CSMD3: variants seen among roughly 807,000 people sequenced by gnomAD.
CSMD3 encodes the protein CUB and Sushi multiple domains 3, also known as CUB and sushi domain-containing protein 3.
Under a neutral mutation model 435.2 loss-of-function variants are expected in CSMD3, and 177 were observed. The observed-to-expected ratio is 0.41, with a 90% CI of 0.36 to 0.46. CSMD3 has a LOEUF of 0.46. Among genes scored for constraint, CSMD3 ranks in the 20% least tolerant of loss-of-function variants. CSMD3 has a pLI of 0.34. For synonymous variants in CSMD3, 1,656 were observed against 1,520.5 expected (o/e 1.09, Z -2.07); for missense variants, 4,265 against 4,504.6 (o/e 0.95, Z 1.52).
At chr8:112,880,825 C>T (rs2081426738) in intron 10 of CSMD3, among the ~76,000 whole-genome samples, 1 of 151,972 alleles carries the variant, frequency 6.6e-6, no homozygotes, top group South Asian at 2.1e-4. Flanking sequence ...CTGCCATATA[C>T]AGATGGATTT....
intron 1 of CSMD3, among the ~76,000 whole-genome samples, chr8:113,382,093 T>C (rs2094418392): frequency 6.6e-6 from 1 of 152,184 alleles, no homozygotes; most frequent in African/African-American, 2.4e-5. Flanking sequence ...CATTTTGGGC[T>C]GCATATCTGA....
At chr8:113,384,489 G>A (rs1031638553) in intron 1 of CSMD3, among the ~76,000 whole-genome samples, 1 of 152,160 alleles carries the variant, frequency 6.6e-6, no homozygotes. Context: ...ACACTGAGGT[G>A]TCAGATAGGA....
At chr8:113,224,717 AC>A (rs1229311923) in intron 3 of CSMD3, among the ~76,000 whole-genome samples, 1 of 151,192 alleles carries the variant, frequency 6.6e-6, no homozygotes, top group African/African-American at 2.4e-5. Flanking sequence ...TGTATTAACC[AC>A]CTGTGTCTTC....
chr8:113,099,965 G>A (rs1410121401), intron 4 of CSMD3, among the ~76,000 whole-genome samples: 1 of 152,030 alleles, frequency 6.6e-6, no homozygotes, highest in Non-Finnish European at 1.5e-5. Context: ...GCTCTATAAT[G>A]ACCAATTATT....
rs1350659012 is a variant in CSMD3 at position 112,517,124 on chromosome 8, G to A, written c.4666C>T (p.Pro1556Ser). 6.2e-7 allele frequency: 1 copy of A among 1,613,504 alleles called. No individual in the cohort carries two copies. Among genetic ancestry groups the A allele is most frequent in the East Asian group, 2.2e-5 (1 of 44,840 alleles). ...TCCTCTCCTTGAAGTTCATATCCTGGGTCACATTGAAAAACAACAGTGTCC... is the reference window on the plus strand; with the variant it reads ...TCCTCTCCTTGAAGTTCATATCCTGAGTCACATTGAAAAACAACAGTGTCC... The part of the protein sequence containing the change: ...PGDTVVFQCD[P>S]GYELQGEERI... The change falls in exon 28 of 71, where the codon CCA becomes TCA. Residue 1556 changes from proline (P) to serine (S), a missense_variant. Pro to Ser is a moderately conservative substitution (Grantham distance 74). Coordinates refer to ENST00000297405, the MANE Select transcript of CSMD3 (RefSeq NM_198123.2).
At chr8:112,528,449 G>A (rs1197140635) in intron 27 of CSMD3, among the ~76,000 whole-genome samples, 2 of 151,946 alleles carry the variant, frequency 1.3e-5, no homozygotes, top group Non-Finnish European at 2.9e-5. Context: ...TAACATGCTA[G>A]CAAGTAATTA....
At chr8:112,701,708 G>C (rs2076392808) in intron 13 of CSMD3, among the ~76,000 whole-genome samples, 1 of 152,044 alleles carries the variant, frequency 6.6e-6, no homozygotes, top group African/African-American at 2.4e-5. Context: ...TTACCATAGA[G>C]GGCCCTTCAT....
chr8:113,019,682 C>CAA (rs35145397), intron 5 of CSMD3, among the ~76,000 whole-genome samples: 100,014 of 151,384 alleles, frequency 0.66, 34,340 homozygotes, highest in East Asian at 0.95. Context: ...CGAAAGACCT[C>CAA]ATAAATTGAT....
At chr8:112,492,938 T>A (rs1820848393) in intron 30 of CSMD3, among the ~76,000 whole-genome samples, 1 of 152,114 alleles carries the variant, frequency 6.6e-6, no homozygotes, top group African/African-American at 2.4e-5. Context: ...TGTGGGAGGA[T>A]GTATATAAGT....
intron 13 of CSMD3, among the ~76,000 whole-genome samples, chr8:112,713,569 C>CA (rs1484036630): frequency 1.3e-5 from 2 of 151,960 alleles, no homozygotes; most frequent in East Asian, 3.9e-4. Flanking sequence ...TCAGGAAATA[C>CA]AAAAAACACC....
At chr8:112,434,695 AC>A (rs1814118309) in intron 32 of CSMD3, among the ~76,000 whole-genome samples, 1 of 152,084 alleles carries the variant, frequency 6.6e-6, no homozygotes, top group Admixed American at 6.6e-5. Flanking sequence ...TCCTTCTAAG[AC>A]CCTAGAAAGG....
At chr8:112,277,656 A>G (rs1335450723) in intron 59 of CSMD3, among the ~76,000 whole-genome samples, 1 of 152,162 alleles carries the variant, frequency 6.6e-6, no homozygotes, top group Non-Finnish European at 1.5e-5. Context: ...ACACTGCTGA[A>G]AAAGACATAC....
chr8:113,430,230 TTAGAGA>T (rs1027869620), intron 1 of CSMD3, among the ~76,000 whole-genome samples: 9 of 152,132 alleles, frequency 5.9e-5, no homozygotes, highest in Non-Finnish European at 7.4e-5. Context: ...GGTGGTGGTG[TTAGAGA>T]TAAAGTGCGA....
intron 5 of CSMD3, among the ~76,000 whole-genome samples, chr8:113,061,729 G>C (rs2088619988): frequency 6.6e-6 from 1 of 151,724 alleles, no homozygotes; most frequent in Non-Finnish European, 1.5e-5. Flanking sequence ...ATTTAATGTT[G>C]TTGGGATACA....
At chr8:113,076,245 C>T (rs1466425845) in intron 5 of CSMD3, among the ~76,000 whole-genome samples, 3 of 151,274 alleles carry the variant, frequency 2.0e-5, no homozygotes, top group African/African-American at 2.4e-5. Flanking sequence ...TAAGAATTTG[C>T]ATAGACACAA....
chr8:112,618,560 C>T (rs1037078840), intron 22 of CSMD3, among the ~76,000 whole-genome samples: 3 of 151,968 alleles, frequency 2.0e-5, no homozygotes, highest in Admixed American at 6.6e-5. Context: ...ATAGTGCCCC[C>T]AAATCATTTG....
chr8:113,184,491 G>A (rs1325387028), intron 3 of CSMD3, among the ~76,000 whole-genome samples: 1 of 151,848 alleles, frequency 6.6e-6, no homozygotes, highest in Non-Finnish European at 1.5e-5. Context: ...CATCACTTTG[G>A]AGTTTCTAAG....
chr8:113,390,625 A>G (rs1405071381), intron 1 of CSMD3, among the ~76,000 whole-genome samples: 1 of 151,878 alleles, frequency 6.6e-6, no homozygotes, highest in Non-Finnish European at 1.5e-5. Flanking sequence ...CAGTAAAATC[A>G]ATAGATTAAC....
chr8:112,224,635 C>T lies in CSMD3; in HGVS notation c.*136G>A. ...ATGGTCCAGTTTATGAAAAAACACT[C>T]TTCTGTATCATTCCTCAGGAAAAGG... On this transcript the variant is annotated 3_prime_UTR_variant, in exon 71 of 71. Transcript: ENST00000297405. 1 of 858,796 alleles carries T rather than the reference C, an allele frequency of 1.2e-6. No individual in the cohort carries two copies. Among genetic ancestry groups the T allele is most frequent in the East Asian group, 2.4e-5 (1 of 40,878 alleles). 53.2% of individuals were successfully genotyped at this position (858,796 alleles called of 1,614,324 possible). A position where few individuals can be genotyped will look rare whatever the true frequency, so the allele number is the denominator to read the frequency against.
Sources: gnomAD v4.1 joint callset for allele counts (sites outside exome capture counted in the v4.1 genomes callset) on GRCh38, gnomAD v4.1.1 for gene constraint, MANE v1.5 for transcripts, NCBI Gene and HGNC (gene_info 2026-07-23, HGNC 2026-07-21) for gene names.